TP63: variants seen among roughly 807,000 people sequenced by gnomAD.
TP63 encodes tumor protein p63, also known as tumor protein 63.
Under a neutral mutation model 82.8 loss-of-function variants are expected in TP63, and 17 were observed. That is an observed-to-expected ratio of 0.21 (90% confidence interval 0.14 to 0.31). TP63 has a LOEUF of 0.31. Ranked by LOEUF, TP63 falls within the 10% of genes least tolerant of loss-of-function variation. The pLI is 1.00. For synonymous variants in TP63, 330 were observed against 321.7 expected (o/e 1.03, Z -0.28); for missense variants, 648 against 895.3 (o/e 0.72, Z 3.52).
At chr3:189,780,768 C>A (rs1009571946) in intron 3 of TP63, among the ~76,000 whole-genome samples, 11 of 152,154 alleles carry the variant, frequency 7.2e-5, no homozygotes, top group Admixed American at 3.3e-4. Flanking sequence ...CATGCTGCTT[C>A]CCCAGTTTTA....
intron 4 of TP63, among the ~76,000 whole-genome samples, chr3:189,815,316 A>G (rs909825050): frequency 2.0e-5 from 3 of 152,156 alleles, no homozygotes; most frequent in South Asian, 4.1e-4. Context: ...ACTTTGGTGA[A>G]TAATAATGGG....
chr3:189,752,504 A>G (rs1294380697), intron 3 of TP63, among the ~76,000 whole-genome samples: 1 of 152,148 alleles, frequency 6.6e-6, no homozygotes, highest in African/African-American at 2.4e-5. Context: ...TGTAAGTGGA[A>G]TCTGTAATGA....
chr3:189,774,551 G>A (rs908267837), intron 3 of TP63, among the ~76,000 whole-genome samples: 4 of 152,098 alleles, frequency 2.6e-5, no homozygotes, highest in South Asian at 2.1e-4. Context: ...TATATGCATC[G>A]CTGTTTTGGT....
chr3:189,760,066 C>T (rs1722457915), intron 3 of TP63, among the ~76,000 whole-genome samples: 1 of 152,194 alleles, frequency 6.6e-6, no homozygotes, highest in Non-Finnish European at 1.5e-5. Context: ...CAATCCTCTA[C>T]CACTGGGTCC....
chr3:189,889,512 G>A (rs1179824659), intron 12 of TP63, 28 bp downstream of exon 12: 8 of 1,614,116 alleles, frequency 5.0e-6, no homozygotes, highest in Non-Finnish European at 6.8e-6. Flanking sequence ...GCCCCTGGGG[G>A]CCTGCCCTAA....
chr3:189,771,889 A>G (rs780989906), intron 3 of TP63, among the ~76,000 whole-genome samples: 1 of 152,204 alleles, frequency 6.6e-6, no homozygotes, highest in African/African-American at 2.4e-5. Context: ...TAATATTTGT[A>G]TGAGAATCTA....
intron 1 of TP63, among the ~76,000 whole-genome samples, chr3:189,694,861 A>G (rs1233615183): frequency 1.8e-5 from 2 of 110,870 alleles, no homozygotes; most frequent in Admixed American, 2.8e-4. Context: ...CCTGGAGTGC[A>G]GTGGCGTGAT....
chr3:189,757,208 G>C (rs1241459792), intron 3 of TP63, among the ~76,000 whole-genome samples: 1 of 152,150 alleles, frequency 6.6e-6, no homozygotes, highest in African/African-American at 2.4e-5. Flanking sequence ...CAACATTTCT[G>C]ATAAGCATTT....
intron 4 of TP63, among the ~76,000 whole-genome samples, chr3:189,833,047 AG>A (rs2108713673): frequency 6.6e-6 from 1 of 152,366 alleles, no homozygotes; most frequent in Non-Finnish European, 1.5e-5. Flanking sequence ...TCTTATTGAT[AG>A]AGAGTAAATC....
At chr3:189,778,995 G>A (rs1056796064) in intron 3 of TP63, among the ~76,000 whole-genome samples, 1 of 152,080 alleles carries the variant, frequency 6.6e-6, no homozygotes, top group Non-Finnish European at 1.5e-5. Flanking sequence ...GTGTGTGTGT[G>A]TGTCTTTATA....
chr3:189,664,610 T>C (rs772648816), intron 1 of TP63, among the ~76,000 whole-genome samples: 14 of 152,184 alleles, frequency 9.2e-5, no homozygotes, highest in Non-Finnish European at 1.5e-4. Context: ...TTTTATTTTT[T>C]TTCCTCCAGA....
the TP63 span, among the ~76,000 whole-genome samples, chr3:189,615,698 G>A: frequency 1.3e-5 from 2 of 152,096 alleles, no homozygotes; most frequent in African/African-American, 4.8e-5. Context: ...AGATAGCCAG[G>A]CCATTGGTCT....
chr3:189,629,203 C>T (rs1729382064), upstream of TP63, among the ~76,000 whole-genome samples: 1 of 151,824 alleles, frequency 6.6e-6, no homozygotes, highest in African/African-American at 2.4e-5. Flanking sequence ...CACAGCAAGA[C>T]CCCATATCTA....
rs554698285 is a variant in TP63 at position 189,645,478 on chromosome 3, T to A, written c.62+13901T>A. On this transcript the variant is annotated intron_variant, in intron 1 of 13. Transcript: ENST00000264731. ...TGATCTTCTTTTTTAAATTTTTTTTTATTTTTTATTGTGTTTTTTAATTTT... is the reference window on the plus strand; with the variant it reads ...TGATCTTCTTTTTTAAATTTTTTTTAATTTTTTATTGTGTTTTTTAATTTT... 26 of 232,984 alleles carry A rather than the reference T, an allele frequency of 1.1e-4. No individual in the cohort carries two copies. The East Asian group carries it at 1.2e-3, about 10-fold the overall frequency. The allele number at this position is 232,984 out of a possible 1,614,324, so 14.4% of individuals were successfully genotyped here.
intron 4 of TP63, among the ~76,000 whole-genome samples, chr3:189,811,714 G>A (rs1727588382): frequency 6.6e-6 from 1 of 152,102 alleles, no homozygotes; most frequent in African/African-American, 2.4e-5. Flanking sequence ...TTTTATAGAT[G>A]AGGAAACTTG....
chr3:189,693,703 G>A (rs1021438667), intron 1 of TP63, among the ~76,000 whole-genome samples: 3 of 152,172 alleles, frequency 2.0e-5, no homozygotes, highest in Admixed American at 6.5e-5. Flanking sequence ...AAAATGGAAA[G>A]CAGTAGAGGT....
chr3:189,894,178 C>G (rs777357817), intron 13 of TP63, 28 bp from the exon 14 acceptor site: 1 of 1,614,010 alleles, frequency 6.2e-7, no homozygotes, highest in Non-Finnish European at 8.5e-7. Flanking sequence ...TGTTTTCATT[C>G]TCCATGACAC....
At chr3:189,756,517 T>C (rs1441783568) in intron 3 of TP63, among the ~76,000 whole-genome samples, 2 of 152,190 alleles carry the variant, frequency 1.3e-5, no homozygotes, top group Admixed American at 6.5e-5. Context: ...GCCTTCTTAA[T>C]AAAATAAGGG....
At chr3:189,860,873 G>A (rs1716947789) in intron 4 of TP63, among the ~76,000 whole-genome samples, 1 of 152,166 alleles carries the variant, frequency 6.6e-6, no homozygotes, top group African/African-American at 2.4e-5. Context: ...TTCAGATTCA[G>A]TAGGTACATG....
Sources: gnomAD v4.1 joint callset for allele counts (sites outside exome capture counted in the v4.1 genomes callset) on GRCh38, gnomAD v4.1.1 for gene constraint, MANE v1.5 for transcripts, NCBI Gene and HGNC (gene_info 2026-07-23, HGNC 2026-07-21) for gene names.